The following C4orf51 variants were observed in gnomAD, a reference collection of about 807,000 sequenced individuals.
C4orf51 encodes uncharacterized protein C4orf51.
Under a neutral mutation model 25.2 loss-of-function variants are expected in C4orf51, and 25 were observed. The ratio of observed to expected loss-of-function variants is 0.99; its 90% CI spans 0.72 to 1.39. The LOEUF (loss-of-function observed/expected upper bound fraction) is 1.39, where lower values mean the gene tolerates loss of function less well. Among genes scored for constraint, C4orf51 ranks in the 40% most tolerant of loss-of-function variants. The probability of loss-of-function intolerance (pLI) is 0.00; values close to 1 mark genes in which losing one functional copy is unlikely to be tolerated. For synonymous variants in C4orf51, 100 were observed against 84.5 expected (o/e 1.18, Z -1.01); for missense variants, 252 against 239.6 (o/e 1.05, Z -0.34).
chr4:145,707,765 A>G (rs903639560), intron 2 of C4orf51, among the ~76,000 whole-genome samples: 1 of 152,122 alleles, frequency 6.6e-6, no homozygotes, highest in Non-Finnish European at 1.5e-5. Context: ...GATTTGGAGG[A>G]AGGTTGCTCA....
intron 1 of C4orf51, among the ~76,000 whole-genome samples, chr4:145,740,020 C>A (rs1004444434): frequency 2.0e-5 from 3 of 152,158 alleles, no homozygotes; most frequent in Non-Finnish European, 2.9e-5. Flanking sequence ...GCAGAAGATG[C>A]AAACAAACGT....
chr4:145,713,890 C>G (rs751691464), intron 2 of C4orf51, among the ~76,000 whole-genome samples: 16 of 152,084 alleles, frequency 1.1e-4, no homozygotes, highest in Non-Finnish European at 2.1e-4. Context: ...TCAAATGATT[C>G]TCCTGGCTCA....
At chr4:145,775,557 G>A (rs1011798346), downstream of C4orf51, among the ~76,000 whole-genome samples, 3 of 152,172 alleles carry the variant, frequency 2.0e-5, no homozygotes, top group Non-Finnish European at 4.4e-5. Context: ...CCACCCCAGA[G>A]AGCCACCTCT....
At chr4:145,744,852 CA>C (rs5862745) in intron 1 of C4orf51, among the ~76,000 whole-genome samples, 176 of 136,004 alleles carry the variant, frequency 1.3e-3, no homozygotes, top group African/African-American at 1.4e-3. Context: ...AACTCTGTCT[CA>C]AAAAAAAAAA....
intron 1 of C4orf51, chr4:145,764,994 C>G (rs763738423): frequency 7.4e-6 from 12 of 1,612,242 alleles, no homozygotes; most frequent in Non-Finnish European, 1.0e-5. Flanking sequence ...TTACTTGAGC[C>G]CACCGGTGGG....
At chr4:145,772,663 C>G (rs374367141), downstream of C4orf51, among the ~76,000 whole-genome samples, 1 of 152,180 alleles carries the variant, frequency 6.6e-6, no homozygotes, top group Admixed American at 6.5e-5. Context: ...CTATTTGCCC[C>G]TTTGAAAAAA....
intron 3 of C4orf51, among the ~76,000 whole-genome samples, chr4:145,727,441 C>T (rs1421128967): frequency 1.3e-5 from 2 of 152,068 alleles, no homozygotes; most frequent in African/African-American, 4.8e-5. Flanking sequence ...TTGATGAGAT[C>T]ACACTGGACA....
chr4:145,725,321 T>G (rs1292771447), intron 2 of C4orf51, among the ~76,000 whole-genome samples: 1 of 152,240 alleles, frequency 6.6e-6, no homozygotes, highest in African/African-American at 2.4e-5. Context: ...ATAGGTACCT[T>G]CATTCATTGC....
rs1560894792 is a variant in C4orf51 at position 145,768,913 on chromosome 4, ATAT to A, written n.167-2072_167-2070del. Among the ~76,000 whole-genome samples, 174 of 52,934 alleles carry A rather than the reference ATAT, an allele frequency of 3.3e-3. 38 individuals are homozygous for A. Among genetic ancestry groups the A allele is most frequent in the African/African-American group, 0.011 (168 of 15,396 alleles). The allele number at this position is 52,934 out of a possible 152,430, so 34.7% of individuals were successfully genotyped here. On this transcript the variant is annotated intron_variant and non_coding_transcript_variant, in intron 1 of 1. Transcript: ENST00000510096. The stretch of plus-strand genomic sequence containing the variant: ...AAAATATATATATATATATATATAT[ATAT>A]TAGGTATACAAAGTTTGGAAATAGA...
chr4:145,731,881 C>T (rs1284788537), intron 5 of C4orf51, among the ~76,000 whole-genome samples: 1 of 149,574 alleles, frequency 6.7e-6, no homozygotes, highest in Non-Finnish European at 1.5e-5. Context: ...CATGCCCGGC[C>T]GAGACAAGGC....
At chr4:145,730,041 A>G (rs975031360) in intron 5 of C4orf51, 76 bp downstream of exon 5, 5 of 1,220,654 alleles carry the variant, frequency 4.1e-6, no homozygotes, top group South Asian at 2.4e-5. Flanking sequence ...GTGTCTCTAC[A>G]TGGCAGCAGG....
At chr4:145,775,767 G>A (rs1189859751), downstream of C4orf51, 1 of 1,613,880 alleles carries the variant, frequency 6.2e-7, no homozygotes, top group South Asian at 1.1e-5. Context: ...AGGCGGACTA[G>A]CATGTTCCAT....
chr4:145,713,274 G>T (rs182211614), intron 2 of C4orf51, among the ~76,000 whole-genome samples: 56 of 152,306 alleles, frequency 3.7e-4, no homozygotes, highest in Admixed American at 1.4e-3. Context: ...GGACACCATA[G>T]ATAATGATTC....
downstream of C4orf51, chr4:145,775,879 GA>G: frequency 6.2e-7 from 1 of 1,614,194 alleles, no homozygotes; most frequent in Non-Finnish European, 8.5e-7. Context: ...CAGCTTCACG[GA>G]ATGGACGGTC....
chr4:145,745,235 T>G (rs1733305659), intron 1 of C4orf51, among the ~76,000 whole-genome samples: 1 of 152,150 alleles, frequency 6.6e-6, no homozygotes, highest in Non-Finnish European at 1.5e-5. Flanking sequence ...ATTATTCTCT[T>G]TTAGTTATTA....
intron 1 of C4orf51, among the ~76,000 whole-genome samples, chr4:145,683,098 A>T (rs1728933677): frequency 6.6e-6 from 1 of 152,204 alleles, no homozygotes; most frequent in African/African-American, 2.4e-5. Context: ...TTATTTTCCT[A>T]TATATGAGCA....
intron 1 of C4orf51, among the ~76,000 whole-genome samples, chr4:145,748,539 C>T (rs1207744187): frequency 6.6e-6 from 1 of 151,958 alleles, no homozygotes; most frequent in Non-Finnish European, 1.5e-5. Flanking sequence ...ATAAACTTCC[C>T]TGCTTTTGCT....
chr4:145,759,306 A>G (rs1385489337), downstream of C4orf51: 1 of 152,182 alleles, frequency 6.6e-6, no homozygotes, highest in Non-Finnish European at 1.5e-5. Flanking sequence ...TAAATCACCC[A>G]TTACTTTTTA....
downstream of C4orf51, chr4:145,775,993 C>T (rs751041173): frequency 1.1e-5 from 18 of 1,612,052 alleles, no homozygotes; most frequent in Admixed American, 6.7e-5. Context: ...AAGCCCAAAT[C>T]GCTTTCAAAA....
Sources: gnomAD v4.1 joint callset for allele counts (sites outside exome capture counted in the v4.1 genomes callset) on GRCh38, gnomAD v4.1.1 for gene constraint, MANE v1.5 for transcripts, NCBI Gene and HGNC (gene_info 2026-07-23, HGNC 2026-07-21) for gene names.